Variants in MRC2 observed in about 807,000 individuals in gnomAD.
The protein encoded by MRC2 is mannose receptor C-type 2.
Under a neutral mutation model 206.2 loss-of-function variants are expected in MRC2, and 84 were observed. The ratio of observed to expected loss-of-function variants is 0.41; its 90% CI spans 0.34 to 0.49. The LOEUF (loss-of-function observed/expected upper bound fraction) is 0.49, where lower values mean the gene tolerates loss of function less well. Ranked by LOEUF, MRC2 falls within the 20% of genes least tolerant of loss-of-function variation. The pLI is 0.31. For missense variants in MRC2, 1,676 were observed against 2,001.5 expected, an observed-to-expected ratio of 0.84 and a Z score of 3.10; for synonymous variants, 798 against 800.0, an observed-to-expected ratio of 1.00 and a Z score of 0.04.
At position 62,671,636 on chromosome 17, in the gene MRC2, T is replaced by A. The variant is rs750666683; in HGVS notation, c.1118-13T>A. On this transcript the variant is annotated splice_polypyrimidine_tract_variant and intron_variant, in intron 6 of 29. Transcript: ENST00000303375. The surrounding 1 kb of genome is among the most constrained non-coding windows in gnomAD (Gnocchi z 4.5). ...GCTCAGTCCCTGAGCAGCAGCCTCA[T>A]GGGTCTCTGCAGACAGGTGGGCCAA... 1 of 1,552,840 alleles carries A rather than the reference T, an allele frequency of 6.4e-7. No homozygotes were observed. The highest frequency in any genetic ancestry group is 8.7e-7 in the Non-Finnish European group (1 of 1,147,144).
At chr17:62,642,633 G>A (rs1404322557) in intron 1 of MRC2, among the ~76,000 whole-genome samples, 9 of 152,140 alleles carry the variant, frequency 5.9e-5, no homozygotes, top group African/African-American at 2.2e-4. Context: ...TTTTAGTAGA[G>A]ATGGAGTTTC....
intron 1 of MRC2, among the ~76,000 whole-genome samples, chr17:62,636,460 G>GTT (rs2088320060): frequency 8.0e-6 from 1 of 124,466 alleles, no homozygotes; most frequent in African/African-American, 3.1e-5. Context: ...GTAATCTTCT[G>GTT]ATTTTTTTTT....
intron 1 of MRC2, among the ~76,000 whole-genome samples, chr17:62,647,186 C>CT (rs34733419): frequency 0.63 from 85,611 of 136,292 alleles, 27,120 homozygotes; most frequent in East Asian, 0.81. Flanking sequence ...TTTTCTTTTT[C>CT]TTTTTTTTTT....
chr17:62,690,250 T>C lies in MRC2; in HGVS notation c.3837T>C (p.Ser1279=). The C allele has an allele frequency of 6.2e-7, 1 of 1,613,208 alleles. No homozygotes were observed. The highest frequency in any genetic ancestry group is 1.7e-4 in the Middle Eastern group (1 of 6,058). ...AWIPFREHCY[S]FHMELLLGHK... ...TTCCCTTCCGGGAGCACTGCTATTC[T>C]TTCCACATGGAGCTGCTGCTGGGCC... Residue 1279 remains serine, a synonymous_variant, in exon 26 of 30, where the codon TCT becomes TCC. Coordinates refer to ENST00000303375, the MANE Select transcript of MRC2 (RefSeq NM_006039.5).
chr17:62,666,664 G>A lies in MRC2; in HGVS notation c.859+45G>A, dbSNP rs1252809355. The A allele has an allele frequency of 1.3e-6, 2 of 1,544,086 alleles. No individual in the cohort carries two copies. The highest frequency in any genetic ancestry group is 1.7e-6 in the Non-Finnish European group (2 of 1,143,722). On this transcript the variant is annotated intron_variant, in intron 4 of 29. Coordinates refer to ENST00000303375, the MANE Select transcript of MRC2 (RefSeq NM_006039.5). This position sits in a 1 kb window ranked among gnomAD's most constrained non-coding sequence, Gnocchi z 5.0. Reference sequence around the variant, plus strand: ...CTGCTCGTGCCTCTGGAGGGCCCGGGCCCTTTCCGCTTGTGGGTTGGGGAG... The same window carrying A: ...CTGCTCGTGCCTCTGGAGGGCCCGGACCCTTTCCGCTTGTGGGTTGGGGAG...
At chr17:62,646,615 C>T (rs2429395) in intron 1 of MRC2, among the ~76,000 whole-genome samples, 100,211 of 152,096 alleles carry the variant, frequency 0.66, 33,229 homozygotes, top group East Asian at 0.81. Context: ...CACTTCTTTG[C>T]TGTCAGCAGT....
At chr17:62,643,327 CAAAAAAAAAAAAA>C (rs59698063) in intron 1 of MRC2, among the ~76,000 whole-genome samples, 2 of 44,162 alleles carry the variant, frequency 4.5e-5, no homozygotes, top group African/African-American at 1.2e-4. Flanking sequence ...GAAACTCCGT[CAAAAAAAAAAAAA>C]AAAAAAAGAA....
intron 1 of MRC2, among the ~76,000 whole-genome samples, chr17:62,648,865 G>C (rs752810207): frequency 6.6e-6 from 1 of 152,118 alleles, no homozygotes; most frequent in Non-Finnish European, 1.5e-5. Context: ...CAGGCTCTCC[G>C]CTGTGAAACA....
Position 62,666,812 on chromosome 17 carries a change from G to A in MRC2, c.915G>A (p.Thr305=), listed in dbSNP as rs143442592. Residue 305 remains threonine (T), a synonymous_variant, in exon 5 of 30, where the codon ACG becomes ACA. Coordinates refer to ENST00000303375, the MANE Select transcript of MRC2 (RefSeq NM_006039.5). The surrounding 1 kb of genome is among the most constrained non-coding windows in gnomAD (Gnocchi z 5.0). ...TLWIGLNDLD[T]SGGWQWSDNS... is the part of the protein sequence containing the mutation. Reference sequence around the variant, plus strand: ...GGATCGGCTTGAATGACTTGGACACGAGCGGAGGCTGGCAGTGGTCGGACA... The same window carrying A: ...GGATCGGCTTGAATGACTTGGACACAAGCGGAGGCTGGCAGTGGTCGGACA... The A allele has an allele frequency of 4.8e-5, 78 of 1,613,622 alleles. No homozygotes were observed. Among genetic ancestry groups the A allele is most frequent in the Non-Finnish European group, 6.3e-5 (74 of 1,179,936 alleles).
At chr17:62,681,488 G>T in intron 18 of MRC2, 1 of 461,764 alleles carries the variant, frequency 2.2e-6, no homozygotes, top group Non-Finnish European at 3.8e-6. Context: ...CTTTGTATTT[G>T]GTGCCTACTT....
At chr17:62,645,501 A>AT (rs2088466248) in intron 1 of MRC2, among the ~76,000 whole-genome samples, 3 of 72,606 alleles carry the variant, frequency 4.1e-5, no homozygotes, top group Non-Finnish European at 7.3e-5. Flanking sequence ...TATATATTAT[A>AT]TATATATATA....
At position 62,671,237 on chromosome 17, in the gene MRC2, A is replaced by G. The variant is rs1404293445; in HGVS notation, c.1118-412A>G. On this transcript the variant is annotated intron_variant, in intron 6 of 29. Coordinates refer to ENST00000303375, the MANE Select transcript of MRC2 (RefSeq NM_006039.5). The surrounding 1 kb of genome is among the most constrained non-coding windows in gnomAD (Gnocchi z 4.5). ...AGGCGCACATCACCATGCCTGGCTA[A>G]TTTTTTATTTTTTATAGAGATGGGG... Among the ~76,000 whole-genome samples the G allele has an allele frequency of 6.6e-6, 1 of 152,062 alleles. No individual in the cohort carries two copies. Among genetic ancestry groups the G allele is most frequent in the African/African-American group, 2.4e-5 (1 of 41,402 alleles).
At chr17:62,659,545 CAA>C (rs74881475) in intron 1 of MRC2, among the ~76,000 whole-genome samples, 37 of 112,204 alleles carry the variant, frequency 3.3e-4, no homozygotes, top group Non-Finnish European at 2.9e-4. Flanking sequence ...GACTCTGTAT[CAA>C]AAAAAAAAAA....
intron 1 of MRC2, among the ~76,000 whole-genome samples, chr17:62,649,602 C>T (rs1012452208): frequency 2.0e-5 from 3 of 152,026 alleles, no homozygotes; most frequent in Non-Finnish European, 4.4e-5. Flanking sequence ...AAAAGAGTGC[C>T]GTGCCTTGCT....
chr17:62,630,950 A>G (rs531331089), intron 1 of MRC2, among the ~76,000 whole-genome samples: 40 of 152,262 alleles, frequency 2.6e-4, no homozygotes, highest in African/African-American at 8.7e-4. Flanking sequence ...ATCAGGGCCC[A>G]GGAGGTGCCC....
chr17:62,683,954 A>G (rs2089002461), intron 20 of MRC2: 1 of 152,178 alleles, frequency 6.6e-6, no homozygotes, highest in Non-Finnish European at 1.5e-5. Context: ...TACAGAGAAG[A>G]TTAGCATGGC....
chr17:62,650,574 T>G (rs1287976099), intron 1 of MRC2, among the ~76,000 whole-genome samples: 1 of 152,246 alleles, frequency 6.6e-6, no homozygotes, highest in East Asian at 1.9e-4. Context: ...TTCCCCTTAT[T>G]AACTGTGTTA....
At chr17:62,655,612 T>C (rs2088609158) in intron 1 of MRC2, among the ~76,000 whole-genome samples, 1 of 148,266 alleles carries the variant, frequency 6.7e-6, no homozygotes, top group African/African-American at 2.5e-5. Flanking sequence ...CCAGTTATTC[T>C]GGGGGCTTAG....
In MRC2 at chr17:62,667,525, C is replaced by A; in HGVS notation, c.1109C>A (p.Thr370Asn). The change falls in exon 6 of 30, where the codon ACC becomes AAC. Residue 370 changes from threonine to asparagine, a missense_variant. Physicochemically the swap from Thr to Asn is moderately conservative, Grantham distance 65. Coordinates refer to ENST00000303375, the MANE Select transcript of MRC2 (RefSeq NM_006039.5). This position sits in a 1 kb window ranked among gnomAD's most constrained non-coding sequence, Gnocchi z 4.1. ...AAGCCCAACGCCACGGCCGAGCCCA[C>A]CCCTCCAGGTGAGCCAGGGACTGTG... is the stretch of plus-strand genomic sequence containing the variant. ...KKKPNATAEPTPPDRWANVKV... is the reference protein window; with the variant it reads ...KKKPNATAEPNPPDRWANVKV... 1 of 1,609,948 alleles carries A rather than the reference C, an allele frequency of 6.2e-7. No homozygotes were observed. Among genetic ancestry groups the A allele is most frequent in the Non-Finnish European group, 8.5e-7 (1 of 1,179,068 alleles).
Sources: gnomAD v4.1 joint callset for allele counts (sites outside exome capture counted in the v4.1 genomes callset) on GRCh38, gnomAD v4.1.1 for gene constraint, Gnocchi (gnomAD v3.1) non-coding constraint, MANE v1.5 for transcripts, NCBI Gene and HGNC (gene_info 2026-07-23, HGNC 2026-07-21) for gene names.